Variants in KBTBD3 observed in about 807,000 individuals in gnomAD.
KBTBD3 encodes kelch repeat and BTB domain-containing protein 3.
Under a neutral mutation model 49.6 loss-of-function variants are expected in KBTBD3, and 38 were observed. The ratio of observed to expected loss-of-function variants is 0.77; its 90% CI spans 0.59 to 1.00. The LOEUF (loss-of-function observed/expected upper bound fraction) is 1.00. KBTBD3 is among the 50% of genes least tolerant of loss of function. The pLI, the probability that KBTBD3 is intolerant of heterozygous loss-of-function variation, is 0.00. For synonymous variants in KBTBD3, 214 were observed against 250.4 expected (o/e 0.85, Z 1.37); for missense variants, 661 against 712.0 (o/e 0.93, Z 0.81).
Position 106,051,619 on chromosome 11 carries a change from A to G in KBTBD3, c.*1231T>C, listed in dbSNP as rs1860421133. ...TGTAAAGCAGGGGTCTTAAAACCCA[A>G]AATGCCTTTATCTTTTAAACTGATT... On this transcript the variant is annotated 3_prime_UTR_variant, in exon 4 of 4. Transcript: ENST00000531837. The G allele has an allele frequency of 6.6e-6, 1 of 151,904 alleles. No homozygotes were observed. Among genetic ancestry groups the G allele is most frequent in the Non-Finnish European group, 1.5e-5 (1 of 67,832 alleles). 9.4% of individuals were successfully genotyped at this position (151,904 alleles called of 1,614,324 possible).
At chr11:106,072,091 C>T (rs1476339096) in intron 2 of KBTBD3, among the ~76,000 whole-genome samples, 2 of 152,120 alleles carry the variant, frequency 1.3e-5, no homozygotes, top group East Asian at 1.9e-4. Flanking sequence ...GTAGTCATGA[C>T]ATATTTGTCA....
At chr11:106,066,900 G>A (rs566535657) in intron 2 of KBTBD3, among the ~76,000 whole-genome samples, 1 of 151,990 alleles carries the variant, frequency 6.6e-6, no homozygotes, top group Non-Finnish European at 1.5e-5. Flanking sequence ...TACATATGAA[G>A]ACAAATAAAT....
chr11:106,059,244 C>T, intron 2 of KBTBD3, 135 bp from the exon 3 acceptor site: 1 of 559,182 alleles, frequency 1.8e-6, no homozygotes, highest in East Asian at 3.4e-5. Flanking sequence ...TTGTTTTAAA[C>T]ATTTGTTTTC....
intron 2 of KBTBD3, among the ~76,000 whole-genome samples, chr11:106,073,464 T>C (rs1280673335): frequency 6.6e-6 from 1 of 151,930 alleles, no homozygotes; most frequent in African/African-American, 2.4e-5. Flanking sequence ...ATAAAGGAGA[T>C]ACTTATCTTC....
chr11:106,063,750 G>A (rs1275849228), intron 2 of KBTBD3, among the ~76,000 whole-genome samples: 3 of 152,058 alleles, frequency 2.0e-5, no homozygotes, highest in African/African-American at 7.2e-5. Context: ...GGCCAACATG[G>A]TGAAACCCCT....
chr11:106,053,506 TG>T lies in KBTBD3; in HGVS notation c.1182del (p.Met395CysfsTer14). The T allele has an allele frequency of 6.2e-7, 1 of 1,613,836 alleles. No homozygotes were observed. Among genetic ancestry groups the T allele is most frequent in the Non-Finnish European group, 8.5e-7 (1 of 1,179,862 alleles). On this transcript the variant is annotated frameshift_variant, in exon 4 of 4. Coordinates refer to ENST00000531837, the MANE Select transcript of KBTBD3 (RefSeq NM_198439.3). LOFTEE classifies it high-confidence loss of function. The part of the protein sequence containing the change: ...FLVSTMKTPR[T>X]MHTSVMALDR... ...TCGAGAGCCATAACTGATGTATGCA[TG>T]GTTCTTGGTGTTTTCATAGTTGATA...
intron 2 of KBTBD3, among the ~76,000 whole-genome samples, chr11:106,072,917 T>C (rs1333320833): frequency 6.6e-6 from 1 of 152,030 alleles, no homozygotes; most frequent in African/African-American, 2.4e-5. Context: ...CTGGTGAAAA[T>C]GACATAATAA....
rs753800449 is a variant in KBTBD3, at chr11:106,054,270, G to A, written c.419C>T (p.Ala140Val). 1.2e-5 allele frequency: 19 copies of A among 1,612,654 alleles called. No homozygotes were observed. Among genetic ancestry groups the A allele is most frequent in the African/African-American group, 2.7e-5 (2 of 74,860 alleles). Residue 140 changes from alanine to valine, a missense_variant, in exon 4 of 4, where the codon GCT (alanine) becomes GTT (valine). Transcript: ENST00000531837. ...SFLQVSFLSKACSDFLIKSIN... is the reference protein window; with the variant it reads ...SFLQVSFLSKVCSDFLIKSIN... ...ACTTTTTATTAAAAAGTCACTGCAA[G>A]CTTTGGATAGGAAGGAAACTTGAAG... is the stretch of plus-strand genomic sequence containing the variant.
chr11:106,070,732 G>A (rs1654316460), intron 2 of KBTBD3, among the ~76,000 whole-genome samples: 1 of 152,024 alleles, frequency 6.6e-6, no homozygotes, highest in Admixed American at 6.6e-5. Flanking sequence ...AGAAATAAAA[G>A]CTTGTGTGTG....
chr11:106,057,221 G>A (rs557284994), intron 3 of KBTBD3, among the ~76,000 whole-genome samples: 12 of 152,248 alleles, frequency 7.9e-5, no homozygotes, highest in Non-Finnish European at 1.5e-4. Context: ...AAGGCAATAA[G>A]GATGAGATCT....
chr11:106,055,911 A>T (rs1195901915), intron 3 of KBTBD3, among the ~76,000 whole-genome samples: 1 of 152,204 alleles, frequency 6.6e-6, no homozygotes, highest in African/African-American at 2.4e-5. Context: ...GTGTAAGATT[A>T]TATTTCTATA....
At chr11:106,062,047 G>A (rs1860710478) in intron 2 of KBTBD3, among the ~76,000 whole-genome samples, 1 of 152,072 alleles carries the variant, frequency 6.6e-6, no homozygotes. Flanking sequence ...GAATGTGTGT[G>A]TGGCTGTGGA....
intron 2 of KBTBD3, among the ~76,000 whole-genome samples, chr11:106,069,030 GAGAA>G (rs937915069): frequency 3.3e-5 from 5 of 152,068 alleles, no homozygotes; most frequent in Non-Finnish European, 5.9e-5. Context: ...CTTAGGAAAA[GAGAA>G]AGAGAGGGGA....
Position 106,051,602 on chromosome 11 carries a change from AG to A in KBTBD3, c.*1247del, listed in dbSNP as rs1860420792. On this transcript the variant is annotated 3_prime_UTR_variant, in exon 4 of 4. Transcript: ENST00000531837. ...CTACACATTACCTGAGATGTAAAGC[AG>A]GGGTCTTAAAACCCAAAATGCCTTT... 6.6e-6 allele frequency: 1 copy of A among 151,924 alleles called. No individual in the cohort carries two copies. The highest frequency in any genetic ancestry group is 1.5e-5 in the Non-Finnish European group (1 of 67,832). 9.4% of individuals were successfully genotyped at this position (151,924 alleles called of 1,614,324 possible).
Position 106,052,799 on chromosome 11 carries a change from T to C in KBTBD3, c.*51A>G. On this transcript the variant is annotated 3_prime_UTR_variant, in exon 4 of 4. Coordinates refer to ENST00000531837, the MANE Select transcript of KBTBD3 (RefSeq NM_198439.3). ...GTATAGATCTTTTTACCTATCATTT[T>C]GGTTAACAAATTTACTTTAGGTTAC... 1 of 1,422,932 alleles carries C rather than the reference T, an allele frequency of 7.0e-7. No individual in the cohort carries two copies. The highest frequency in any genetic ancestry group is 9.6e-7 in the Non-Finnish European group (1 of 1,041,048). 88.1% of individuals were successfully genotyped at this position (1,422,932 alleles called of 1,614,324 possible).
At chr11:106,061,723 C>A (rs1860698898) in intron 2 of KBTBD3, among the ~76,000 whole-genome samples, 1 of 151,838 alleles carries the variant, frequency 6.6e-6, no homozygotes, top group Non-Finnish European at 1.5e-5. Flanking sequence ...AATCTTGGGT[C>A]TTCTCAGCCT....
intron 3 of KBTBD3, among the ~76,000 whole-genome samples, chr11:106,056,457 T>C (rs1860555184): frequency 6.6e-6 from 1 of 152,192 alleles, no homozygotes; most frequent in Non-Finnish European, 1.5e-5. Context: ...GGTCCATAAA[T>C]TGAAATGCCT....
At chr11:106,076,011 C>G (rs1861021156) in intron 2 of KBTBD3, 1 of 152,048 alleles carries the variant, frequency 6.6e-6, no homozygotes, top group South Asian at 2.1e-4. Flanking sequence ...AGAACATGTG[C>G]AATAACGTAC....
chr11:106,056,008 T>C (rs1591533629), intron 3 of KBTBD3, among the ~76,000 whole-genome samples: 1 of 152,320 alleles, frequency 6.6e-6, no homozygotes, highest in South Asian at 2.1e-4. Flanking sequence ...ACATGTGTGA[T>C]TCCTTTTCAA....
Sources: allele counts gnomAD v4.1 joint callset (sites outside exome capture counted in the v4.1 genomes callset), GRCh38; gene constraint gnomAD v4.1.1; transcripts MANE v1.5; gene names NCBI Gene and HGNC (gene_info 2026-07-23, HGNC 2026-07-21).